LRCH2: variants seen among roughly 807,000 people sequenced by gnomAD.
LRCH2 encodes leucine rich repeats and calponin homology domain containing 2, also known as leucine-rich repeat and calponin homology domain-containing protein 2.
In LRCH2, 38 loss-of-function variants were observed where a neutral mutation model predicts 68.9. The ratio of observed to expected loss-of-function variants is 0.55; its 90% CI spans 0.43 to 0.72. The LOEUF (loss-of-function observed/expected upper bound fraction) is 0.72, where lower values mean the gene tolerates loss of function less well. Among genes scored for constraint, LRCH2 ranks in the 30% least tolerant of loss-of-function variants. The pLI is 0.00. For synonymous variants in LRCH2, 191 were observed against 208.1 expected (o/e 0.92, Z 0.71); for missense variants, 528 against 572.9 (o/e 0.92, Z 0.80).
intron 3 of LRCH2, among the ~76,000 whole-genome samples, chrX:115,180,553 G>T (rs2072684044): frequency 9.0e-6 from 1 of 110,779 alleles, no homozygotes; most frequent in Non-Finnish European, 1.9e-5. Context: ...CTACAACATG[G>T]TCTCAGACAG....
intron 14 of LRCH2, among the ~76,000 whole-genome samples, chrX:115,137,906 G>A (rs2072303068): frequency 1.8e-5 from 2 of 110,520 alleles, no homozygotes; most frequent in African/African-American, 3.3e-5. Context: ...CTGAGATCAC[G>A]CCATTGCACC....
At chrX:115,139,416 A>G (rs1157546115) in intron 14 of LRCH2, among the ~76,000 whole-genome samples, 4 of 112,425 alleles carry the variant, frequency 3.6e-5, no homozygotes, top group African/African-American at 1.3e-4. Flanking sequence ...TAATATTTAA[A>G]ACTAACTGGC....
chrX:115,140,408 C>T (rs1463839046), intron 14 of LRCH2, among the ~76,000 whole-genome samples: 1 of 110,406 alleles, frequency 9.1e-6, no homozygotes, highest in Non-Finnish European at 1.9e-5. Context: ...GATGTGCTGG[C>T]GTCCGGTAAG....
At chrX:115,186,812 ACTTT>A (rs2147413218) in intron 2 of LRCH2, among the ~76,000 whole-genome samples, 1 of 74,476 alleles carries the variant, frequency 1.3e-5, no homozygotes, top group South Asian at 8.1e-4. Flanking sequence ...CTTCCCTCAC[ACTTT>A]TTTTTTTTTT....
chrX:115,191,075 A>G lies in LRCH2; in HGVS notation c.350-2705T>C, dbSNP rs782739001. On this transcript the variant is annotated intron_variant, in intron 1 of 20. Transcript: ENST00000317135. ...TCCAGCAACAGTTACGGCCAGAGCC[A>G]CCGCTATGGAGGAGAAGGCCGCTAT... 101 of 1,160,749 alleles carry G rather than the reference A, an allele frequency of 8.7e-5. No individual in the cohort carries two copies. The highest frequency in any genetic ancestry group is 4.7e-4 in the Middle Eastern group (2 of 4,296).
intron 14 of LRCH2, among the ~76,000 whole-genome samples, chrX:115,131,483 AT>A (rs1290750963): frequency 1.8e-5 from 2 of 111,077 alleles, no homozygotes; most frequent in Non-Finnish European, 3.8e-5. Context: ...TATGTGCCAC[AT>A]TTTCTTAATC....
chrX:115,178,837 G>T (rs1261190178), intron 5 of LRCH2, among the ~76,000 whole-genome samples: 1 of 111,997 alleles, frequency 8.9e-6, no homozygotes, highest in African/African-American at 3.2e-5. Context: ...ATAATTTTGG[G>T]CAATCTAAGT....
chrX:115,145,414 C>T (rs969149449), intron 14 of LRCH2, among the ~76,000 whole-genome samples: 2 of 111,100 alleles, frequency 1.8e-5, no homozygotes, highest in African/African-American at 6.6e-5. Context: ...ACCCCATAAG[C>T]GCAGGCAACC....
chrX:115,143,719 CAA>C (rs782499240), intron 14 of LRCH2, among the ~76,000 whole-genome samples: 23 of 111,139 alleles, frequency 2.1e-4, no homozygotes, highest in African/African-American at 7.5e-4. Flanking sequence ...AATATGGATG[CAA>C]AAATCTTCAA....
intron 1 of LRCH2, among the ~76,000 whole-genome samples, chrX:115,226,558 A>C (rs1256644011): frequency 9.0e-6 from 1 of 111,421 alleles, no homozygotes; most frequent in Non-Finnish European, 1.9e-5. Context: ...TGACAGGTCC[A>C]GTTAAAGGTA....
At chrX:115,130,479 T>C (rs2072234235) in intron 14 of LRCH2, among the ~76,000 whole-genome samples, 1 of 111,440 alleles carries the variant, frequency 9.0e-6, no homozygotes, top group Non-Finnish European at 1.9e-5. Context: ...AATCTGAGGG[T>C]TGTCTTAGAA....
chrX:115,229,455 G>A (rs2073139685), intron 1 of LRCH2, among the ~76,000 whole-genome samples: 5 of 111,729 alleles, frequency 4.5e-5, no homozygotes, highest in Non-Finnish European at 9.4e-5. Flanking sequence ...ACTTAAAAAT[G>A]TATAAAGAGC....
At chrX:115,173,528 G>C (rs1392711077) in intron 5 of LRCH2, among the ~76,000 whole-genome samples, 1 of 111,604 alleles carries the variant, frequency 9.0e-6, no homozygotes, top group Non-Finnish European at 1.9e-5. Flanking sequence ...AAGGTAAGAG[G>C]ATTAGGCTGA....
At chrX:115,143,509 T>C (rs1931192334) in intron 14 of LRCH2, among the ~76,000 whole-genome samples, 1 of 111,144 alleles carries the variant, frequency 9.0e-6, no homozygotes, top group Non-Finnish European at 1.9e-5. Context: ...AGGAAAGAAA[T>C]GCCTGGGACC....
intron 5 of LRCH2, among the ~76,000 whole-genome samples, chrX:115,176,426 G>A (rs782018060): frequency 1.5e-4 from 17 of 111,373 alleles, no homozygotes; most frequent in Non-Finnish European, 2.3e-4. Context: ...TAGGAATGCT[G>A]AATATCTTTT....
intron 20 of LRCH2, among the ~76,000 whole-genome samples, chrX:115,114,066 A>G (rs1299753100): frequency 9.0e-6 from 1 of 111,421 alleles, no homozygotes; most frequent in Non-Finnish European, 1.9e-5. Flanking sequence ...TACAATATCA[A>G]CTGGACACAG....
chrX:115,188,340 G>A lies in LRCH2; in HGVS notation c.380C>T (p.Pro127Leu). The A allele has an allele frequency of 8.4e-7, 1 of 1,185,854 alleles. No individual in the cohort carries two copies. The highest frequency in any genetic ancestry group is 1.9e-5 in the South Asian group (1 of 51,318). Reference sequence around the variant, plus strand: ...GGGTGCAAATAACCAGACATCAGAAGGAATTTCTGTAAAACGATTTCTGGA... The same window carrying A: ...GGGTGCAAATAACCAGACATCAGAAAGAATTTCTGTAAAACGATTTCTGGA... The part of the protein sequence containing the change: ...DLSRNRFTEI[P>L]SDVWLFAPLE... Residue 127 changes from proline (P) to leucine (L), a missense_variant, in exon 2 of 21, where the codon CCT becomes CTT. Pro to Leu is a moderately conservative substitution (Grantham distance 98). Transcript: ENST00000317135.
chrX:115,116,663 T>C (rs2072085708), intron 20 of LRCH2, among the ~76,000 whole-genome samples: 1 of 111,183 alleles, frequency 9.0e-6, no homozygotes, highest in Non-Finnish European at 1.9e-5. Context: ...TGCTATGGCA[T>C]TGTAATTATA....
At chrX:115,179,380 T>G (rs1556551749) in intron 5 of LRCH2, 47 bp downstream of exon 5, 1 of 999,142 alleles carries the variant, frequency 1.0e-6, no homozygotes, top group Admixed American at 4.4e-5. Context: ...ACAGATAAAA[T>G]TATGAATAAA....
Sources: gnomAD v4.1 joint callset for allele counts (sites outside exome capture counted in the v4.1 genomes callset) on GRCh38, gnomAD v4.1.1 for gene constraint, MANE v1.5 for transcripts, NCBI Gene and HGNC (gene_info 2026-07-23, HGNC 2026-07-21) for gene names.